ZMYM2: variants seen among roughly 807,000 people sequenced by gnomAD.
The protein encoded by ZMYM2 is zinc finger MYM-type protein 2.
In ZMYM2, 56 loss-of-function variants were observed where a neutral mutation model predicts 162.8. The observed-to-expected ratio is 0.34, with a 90% CI of 0.28 to 0.43. The LOEUF is 0.43. ZMYM2 is among the 20% of genes least tolerant of loss of function. The probability of loss-of-function intolerance (pLI) is 1.00; values close to 1 mark genes in which losing one functional copy is unlikely to be tolerated. For missense variants in ZMYM2, 1,275 were observed against 1,621.8 expected, an observed-to-expected ratio of 0.79 and a Z score of 3.67; for synonymous variants, 510 against 541.6, an observed-to-expected ratio of 0.94 and a Z score of 0.81.
At chr13:19,926,648 G>C in the ZMYM2 span, among the ~76,000 whole-genome samples, 9 of 152,118 alleles carry the variant, frequency 5.9e-5, no homozygotes, top group South Asian at 1.7e-3. Flanking sequence ...ACAGGCGTGA[G>C]CCACTGCACC....
the ZMYM2 span, among the ~76,000 whole-genome samples, chr13:19,934,322 G>A: frequency 6.6e-6 from 1 of 152,010 alleles, no homozygotes; most frequent in Admixed American, 6.6e-5. Flanking sequence ...CACCATGCCT[G>A]GCTAATTTTT....
intron 2 of ZMYM2, chr13:19,965,362 A>G (rs1002636232): frequency 1.4e-6 from 1 of 710,164 alleles, no homozygotes. Flanking sequence ...GAACAGTTTT[A>G]TAATCATTCA....
chr13:20,066,243 G>C (rs1219817969), intron 19 of ZMYM2, among the ~76,000 whole-genome samples: 3 of 152,114 alleles, frequency 2.0e-5, no homozygotes. Context: ...TGTAATTACA[G>C]ATGACCGTTG....
intron 17 of ZMYM2, 74 bp from the exon 18 acceptor site, chr13:20,062,771 CT>C: frequency 7.3e-7 from 1 of 1,371,344 alleles, no homozygotes; most frequent in African/African-American, 1.5e-5. Context: ...AAATGACTTG[CT>C]TTTGCCAGAT....
intron 6 of ZMYM2, among the ~76,000 whole-genome samples, chr13:20,015,266 A>C (rs1951527810): frequency 6.6e-6 from 1 of 152,080 alleles, no homozygotes; most frequent in Admixed American, 6.6e-5. Context: ...GAATTTTCTA[A>C]GTGTTCCTTC....
the ZMYM2 span, among the ~76,000 whole-genome samples, chr13:19,906,630 C>T: frequency 1.1e-4 from 17 of 151,668 alleles, no homozygotes; most frequent in African/African-American, 4.1e-4. Context: ...GACTGTGGTG[C>T]AGTGGCATGA....
intron 12 of ZMYM2, among the ~76,000 whole-genome samples, chr13:20,049,073 A>C (rs1400026386): frequency 1.3e-5 from 2 of 151,932 alleles, no homozygotes; most frequent in African/African-American, 4.8e-5. Flanking sequence ...CAAACACTTC[A>C]CTAGGAGTTT....
At chr13:19,957,522 A>AC (rs1474593821), upstream of ZMYM2, among the ~76,000 whole-genome samples, 1 of 149,602 alleles carries the variant, frequency 6.7e-6, no homozygotes, top group Non-Finnish European at 1.5e-5. Flanking sequence ...AAAAGAGAAG[A>AC]CCCCTCGTGG....
chr13:20,056,334 T>C (rs1420068587), intron 14 of ZMYM2, among the ~76,000 whole-genome samples: 1 of 152,216 alleles, frequency 6.6e-6, no homozygotes, highest in Non-Finnish European at 1.5e-5. Flanking sequence ...GGTGAAAACT[T>C]AGCCTTCAAA....
intron 6 of ZMYM2, among the ~76,000 whole-genome samples, chr13:20,013,487 G>A (rs1024357635): frequency 6.6e-6 from 1 of 152,140 alleles, no homozygotes; most frequent in African/African-American, 2.4e-5. Flanking sequence ...AAATAGATGT[G>A]GTGAAAGTGG....
the ZMYM2 span, among the ~76,000 whole-genome samples, chr13:19,910,191 C>T: frequency 1.3e-5 from 2 of 151,918 alleles, no homozygotes; most frequent in African/African-American, 4.8e-5. Context: ...TGCGCCACTG[C>T]ACTCCAGCCT....
chr13:20,083,940 C>T (rs988942971), intron 24 of ZMYM2, among the ~76,000 whole-genome samples, 164 bp downstream of exon 24: 3 of 152,028 alleles, frequency 2.0e-5, no homozygotes, highest in African/African-American at 7.2e-5. Flanking sequence ...TTTGAAATAC[C>T]CAGTTTATAC....
chr13:19,929,437 A>C, the ZMYM2 span, among the ~76,000 whole-genome samples: 1 of 151,994 alleles, frequency 6.6e-6, no homozygotes, highest in Non-Finnish European at 1.5e-5. Flanking sequence ...ATGGGGTTTC[A>C]CCAAGTTAGC....
chr13:20,038,408 G>A (rs1316604274), intron 12 of ZMYM2, among the ~76,000 whole-genome samples: 1 of 152,016 alleles, frequency 6.6e-6, no homozygotes, highest in Non-Finnish European at 1.5e-5. Flanking sequence ...TATAGTTTTG[G>A]GTTTTACATT....
intron 21 of ZMYM2, chr13:20,070,719 C>T (rs1412799191): frequency 6.6e-6 from 1 of 152,270 alleles, no homozygotes; most frequent in African/African-American, 2.4e-5. Context: ...CCATGTTGGC[C>T]AGGATGGTCT....
At chr13:19,890,857 G>A in the ZMYM2 span, among the ~76,000 whole-genome samples, 47 of 149,550 alleles carry the variant, frequency 3.1e-4, 2 homozygotes, top group Admixed American at 3.1e-3. Flanking sequence ...GGGCAACAGA[G>A]CAAGACTCCA....
At chr13:19,954,915 A>G (rs1365441804), upstream of ZMYM2, among the ~76,000 whole-genome samples, 5 of 151,890 alleles carry the variant, frequency 3.3e-5, no homozygotes, top group Non-Finnish European at 7.4e-5. Flanking sequence ...GGTTCAAGCA[A>G]CTCTCCCACC....
chr13:20,044,497 G>A (rs1049405554), intron 12 of ZMYM2, among the ~76,000 whole-genome samples: 15 of 152,098 alleles, frequency 9.9e-5, no homozygotes, highest in Non-Finnish European at 1.8e-4. Flanking sequence ...TCTCTTAGGA[G>A]TGCACCAGTA....
In ZMYM2 at chr13:20,088,059, G is replaced by A. The variant is rs1202754025; in HGVS notation, c.*2045G>A. 1 of 197,600 alleles carries A rather than the reference G, an allele frequency of 5.1e-6. No homozygotes were observed. The highest frequency in any genetic ancestry group is 1.1e-5 in the Non-Finnish European group (1 of 95,216). 12.2% of individuals were successfully genotyped at this position (197,600 alleles called of 1,614,324 possible). A position where few individuals can be genotyped will look rare whatever the true frequency, so the allele number is the denominator to read the frequency against. On this transcript the variant is annotated 3_prime_UTR_variant, in exon 25 of 25. Transcript: ENST00000610343. Reference sequence around the variant, plus strand: ...ATTTCTGCCATAGTACTACTATCAAGCACCTTGTCTTGCTATTTACAGTTT... The same window carrying A: ...ATTTCTGCCATAGTACTACTATCAAACACCTTGTCTTGCTATTTACAGTTT...
Sources: allele counts gnomAD v4.1 joint callset (sites outside exome capture counted in the v4.1 genomes callset), GRCh38; gene constraint gnomAD v4.1.1; transcripts MANE v1.5; gene names NCBI Gene and HGNC (gene_info 2026-07-23, HGNC 2026-07-21).